RET: variants seen among roughly 807,000 people sequenced by gnomAD.
RET encodes ret proto-oncogene, also known as proto-oncogene tyrosine-protein kinase receptor Ret.
In RET, 19 loss-of-function variants were observed where a neutral mutation model predicts 118.3. That is an observed-to-expected ratio of 0.16 (90% CI 0.11 to 0.24). The LOEUF is 0.24. RET is among the 10% of genes least tolerant of loss of function. The pLI, the probability that RET is intolerant of heterozygous loss-of-function variation, is 1.00. For synonymous variants in RET, 597 were observed against 644.1 expected, an observed-to-expected ratio of 0.93 and a Z score of 1.11; for missense variants, 1,219 against 1,502.1, an observed-to-expected ratio of 0.81 and a Z score of 3.12.
chr10:43,122,087 C>T (rs2132988682), intron 16 of RET, 71 bp downstream of exon 16: 10 of 1,225,726 alleles, frequency 8.2e-6, no homozygotes, highest in South Asian at 2.4e-5. Context: ...GGGGCCACGA[C>T]GCCCGTCTGT....
At chr10:43,082,190 G>T (rs1837199859) in intron 1 of RET, among the ~76,000 whole-genome samples, 1 of 152,182 alleles carries the variant, frequency 6.6e-6, no homozygotes, top group East Asian at 1.9e-4. Flanking sequence ...CAGGCAGCAA[G>T]CTGTCCTTGT....
rs897706317 is a variant in RET, at chr10:43,126,734, C to T, written c.3187+12C>T. On this transcript the variant is annotated intron_variant, in intron 19 of 19. Transcript: ENST00000355710. ...AAACAAACTCTATGGTAGAATTTCCCATGCATTTACTAGATTCTAGCACCG... is the reference window on the plus strand; with the variant it reads ...AAACAAACTCTATGGTAGAATTTCCTATGCATTTACTAGATTCTAGCACCG... 10 of 1,613,724 alleles carry T rather than the reference C, an allele frequency of 6.2e-6. No homozygotes were observed. Among genetic ancestry groups the T allele is most frequent in the Non-Finnish European group, 8.5e-6 (10 of 1,179,846 alleles).
At chr10:43,088,365 G>A (rs897330348) in intron 1 of RET, among the ~76,000 whole-genome samples, 3 of 151,558 alleles carry the variant, frequency 2.0e-5, no homozygotes, top group Non-Finnish European at 2.9e-5. Context: ...TGATGGAGGC[G>A]GTGGTGTTAG....
At chr10:43,082,973 A>G (rs1837217514) in intron 1 of RET, among the ~76,000 whole-genome samples, 1 of 152,154 alleles carries the variant, frequency 6.6e-6, no homozygotes, top group African/African-American at 2.4e-5. Context: ...TTGCTGGGCT[A>G]GGGGCCAGGG....
intron 1 of RET, among the ~76,000 whole-genome samples, chr10:43,097,316 G>A (rs1379159089): frequency 1.3e-5 from 2 of 152,182 alleles, no homozygotes; most frequent in Admixed American, 6.5e-5. Flanking sequence ...CTCTTCTGCA[G>A]CCTGGGCATC....
chr10:43,127,727 C>A (rs1311980028), intron 19 of RET, among the ~76,000 whole-genome samples: 1 of 151,918 alleles, frequency 6.6e-6, no homozygotes, highest in South Asian at 2.1e-4. Flanking sequence ...AGACAACAGA[C>A]GAGTGCCTCC....
Position 43,114,770 on chromosome 10 carries a change from G to A in RET, c.2136+34G>A, listed in dbSNP as rs372106974. 6.3e-7 allele frequency: 1 copy of A among 1,578,536 alleles called. No individual in the cohort carries two copies. The highest frequency in any genetic ancestry group is 8.6e-7 in the Non-Finnish European group (1 of 1,166,166). Reference sequence around the variant, plus strand: ...CCCTGCGGGGCAGGGAAGATCCCCTGCCCTCCCCAGCTGCCTTCCAGGGAG... The same window carrying A: ...CCCTGCGGGGCAGGGAAGATCCCCTACCCTCCCCAGCTGCCTTCCAGGGAG... On this transcript the variant is annotated intron_variant, in intron 11 of 19. Transcript: ENST00000355710. The surrounding 1 kb of genome is among the most constrained non-coding windows in gnomAD (Gnocchi z 4.6).
At chr10:43,115,314 C>A (rs980946696) in intron 11 of RET, among the ~76,000 whole-genome samples, 1 of 152,218 alleles carries the variant, frequency 6.6e-6, no homozygotes, top group African/African-American at 2.4e-5. Context: ...AGCTGAGCAC[C>A]CAGTGGCCAC....
rs1838229841 is a variant in RET at position 43,122,035 on chromosome 10, C to G, written c.2801+19C>G. On this transcript the variant is annotated intron_variant, in intron 16 of 19. Transcript: ENST00000355710. ...GTGATGTGTAAGTGTGGGTGTTGCTCTCTTGGGGTGGAGGTTACAGAAACA... is the reference window on the plus strand; with the variant it reads ...GTGATGTGTAAGTGTGGGTGTTGCTGTCTTGGGGTGGAGGTTACAGAAACA... 1 of 1,602,708 alleles carries G rather than the reference C, an allele frequency of 6.2e-7. No homozygotes were observed. Among genetic ancestry groups the G allele is most frequent in the Non-Finnish European group, 8.5e-7 (1 of 1,169,646 alleles).
Position 43,128,454 on chromosome 10 carries a change from T to C in RET, c.*185T>C, listed in dbSNP as rs1472584289. 3 of 690,412 alleles carry C rather than the reference T, an allele frequency of 4.3e-6. No individual in the cohort carries two copies. Among genetic ancestry groups the C allele is most frequent in the East Asian group, 5.4e-5 (2 of 36,902 alleles). 42.8% of individuals were successfully genotyped at this position (690,412 alleles called of 1,614,324 possible). A position where few individuals can be genotyped will look rare whatever the true frequency, so the allele number is the denominator to read the frequency against. Reference sequence around the variant, plus strand: ...TTTTACTTCTGATAGCCGGTGATTTTCCCTCCTAGCAGACATGCCACACCG... The same window carrying C: ...TTTTACTTCTGATAGCCGGTGATTTCCCCTCCTAGCAGACATGCCACACCG... On this transcript the variant is annotated 3_prime_UTR_variant, in exon 20 of 20. Transcript: ENST00000355710.
intron 1 of RET, among the ~76,000 whole-genome samples, chr10:43,084,743 G>A (rs765590844): frequency 3.3e-5 from 5 of 152,140 alleles, no homozygotes; most frequent in Admixed American, 6.5e-5. Context: ...GGACATTCTC[G>A]GAAGACCTGG....
Position 43,118,395 on chromosome 10 carries a change from G to T in RET, c.2307G>T (p.Leu769=), listed in dbSNP as rs1800861. The part of the protein sequence containing the change: ...MLKENASPSE[L]RDLLSEFNVL... ...CAGAGAACGCCTCCCCGAGTGAGCT[G>T]CGAGACCTGCTGTCAGAGTTCAACG... The change falls in exon 13 of 20, where the codon CTG becomes CTT. Residue 769 remains leucine, a synonymous_variant. Transcript: ENST00000355710. The T allele has an allele frequency of 0.76, 1,222,984 of 1,613,240 alleles. 467,321 individuals are homozygous for T. Among genetic ancestry groups the T allele is most frequent in the African/African-American group, 0.88 (66,208 of 74,994 alleles).
rs192917207 is a variant in RET, at chr10:43,112,646, G to A, written c.1649-207G>A. Reference sequence around the variant, plus strand: ...GGGTCCCGGCCTCTTTGCTGTAAGGGCCACCTGTGTGAGGAACCCCCCATA... The same window carrying A: ...GGGTCCCGGCCTCTTTGCTGTAAGGACCACCTGTGTGAGGAACCCCCCATA... On this transcript the variant is annotated intron_variant, in intron 8 of 19. Coordinates refer to ENST00000355710, the MANE Select transcript of RET (RefSeq NM_020975.6). Among the ~76,000 whole-genome samples, 145 of 152,314 alleles carry A rather than the reference G, an allele frequency of 9.5e-4. 3 individuals are homozygous for A. In the East Asian group the frequency reaches 0.016, roughly 16 times the overall value.
chr10:43,113,801 C>T, intron 10 of RET, 126 bp downstream of exon 10: 1 of 1,373,138 alleles, frequency 7.3e-7, no homozygotes, highest in Non-Finnish European at 9.9e-7. Context: ...ACTTCCCTCC[C>T]TCCCTCTGGG....
intron 16 of RET, among the ~76,000 whole-genome samples, chr10:43,123,180 C>T (rs1277855551): frequency 1.3e-5 from 2 of 152,140 alleles, no homozygotes; most frequent in Non-Finnish European, 2.9e-5. Context: ...AGTTTTCCTT[C>T]ACAGTTAAAA....
At chr10:43,078,820 AC>A (rs761504374) in intron 1 of RET, among the ~76,000 whole-genome samples, 71 of 152,242 alleles carry the variant, frequency 4.7e-4, no homozygotes, top group Admixed American at 3.2e-3. Flanking sequence ...CCGTGCCCAG[AC>A]CCCTGGCCCA....
At chr10:43,095,601 TG>T (rs1463380331) in intron 1 of RET, among the ~76,000 whole-genome samples, 1 of 152,230 alleles carries the variant, frequency 6.6e-6, no homozygotes, top group Non-Finnish European at 1.5e-5. Context: ...TGTGGAACAT[TG>T]GAAACAGTCT....
intron 1 of RET, among the ~76,000 whole-genome samples, chr10:43,092,442 A>G (rs1253933550): frequency 6.6e-6 from 1 of 152,264 alleles, no homozygotes; most frequent in East Asian, 1.9e-4. Flanking sequence ...GTACACTTAA[A>G]AATTTTAAGA....
chr10:43,106,580 G>A lies in RET; in HGVS notation c.1063+9G>A, dbSNP rs765463636. Reference sequence around the variant, plus strand: ...GACCGTACATGACTATAGTAAGAGGGGCTGGTGGCACGGCCTGGCTAGGCC... The same window carrying A: ...GACCGTACATGACTATAGTAAGAGGAGCTGGTGGCACGGCCTGGCTAGGCC... On this transcript the variant is annotated intron_variant, in intron 5 of 19. Coordinates refer to ENST00000355710, the MANE Select transcript of RET (RefSeq NM_020975.6). The surrounding 1 kb of genome is among the most constrained non-coding windows in gnomAD (Gnocchi z 5.1). The A allele has an allele frequency of 1.9e-4, 310 of 1,612,710 alleles. No homozygotes were observed. Among genetic ancestry groups the A allele is most frequent in the Non-Finnish European group, 2.5e-4 (294 of 1,179,432 alleles).
Sources: gnomAD v4.1 joint callset for allele counts (sites outside exome capture counted in the v4.1 genomes callset) on GRCh38, gnomAD v4.1.1 for gene constraint, Gnocchi (gnomAD v3.1) non-coding constraint, MANE v1.5 for transcripts, NCBI Gene and HGNC (gene_info 2026-07-23, HGNC 2026-07-21) for gene names.